PCM1: variants seen among roughly 807,000 people sequenced by gnomAD.
The protein encoded by PCM1 is pericentriolar material 1.
A neutral mutation model predicts 241.9 loss-of-function variants in PCM1; 157 were observed. The ratio of observed to expected loss-of-function variants is 0.65; its 90% CI spans 0.57 to 0.74. PCM1 has a LOEUF of 0.74. Ranked by LOEUF, PCM1 falls within the 30% of genes least tolerant of loss-of-function variation. The probability of loss-of-function intolerance (pLI) is 0.00; values close to 1 mark genes in which losing one functional copy is unlikely to be tolerated. For missense variants in PCM1, 3,478 were observed against 2,360.1 expected, an observed-to-expected ratio of 1.47 and a Z score of -9.81; for synonymous variants, 1,085 against 784.9, an observed-to-expected ratio of 1.38 and a Z score of -6.39.
At chr8:17,941,961 C>G (rs1264949988) in intron 6 of PCM1, among the ~76,000 whole-genome samples, 1 of 152,084 alleles carries the variant, frequency 6.6e-6, no homozygotes, top group Non-Finnish European at 1.5e-5. Flanking sequence ...ATATAGTTGT[C>G]ATACTGTAAT....
intron 16 of PCM1, among the ~76,000 whole-genome samples, chr8:17,962,525 C>T (rs769557191): frequency 7.2e-5 from 11 of 151,978 alleles, no homozygotes; most frequent in Non-Finnish European, 1.5e-4. Flanking sequence ...AAGACCTATC[C>T]TTTGACATTT....
chr8:17,990,092 A>G (rs1029481026), intron 27 of PCM1, 113 bp downstream of exon 27: 27 of 773,630 alleles, frequency 3.5e-5, no homozygotes, highest in Non-Finnish European at 5.2e-5. Flanking sequence ...TGTGGTTGAA[A>G]GAATGTGGAC....
At chr8:17,959,987 T>C in intron 13 of PCM1, 27 bp from the exon 14 acceptor site, 1 of 1,605,278 alleles carries the variant, frequency 6.2e-7, no homozygotes, top group Non-Finnish European at 8.5e-7. Flanking sequence ...GTATCAAGAT[T>C]GTTTTAATGT....
Position 17,964,712 on chromosome 8 carries a change from G to A in PCM1, c.2799G>A (p.Val933=). 1 of 1,613,886 alleles carries A rather than the reference G, an allele frequency of 6.2e-7. No homozygotes were observed. Among genetic ancestry groups the A allele is most frequent in the Non-Finnish European group, 8.5e-7 (1 of 1,179,792 alleles). ...CCAGTTCCAATGATAACTTTTCTGT[G>A]TGTCCTTCTAACAGTGTGAATCATA... ...QDASSNDNFS[V]CPSNSVNHNS... Residue 933 remains valine (V), a synonymous_variant, in exon 18 of 39, where the codon GTG becomes GTA. Transcript: ENST00000325083.
intron 38 of PCM1, among the ~76,000 whole-genome samples, chr8:18,027,275 T>C (rs113829283): frequency 6.6e-6 from 1 of 152,180 alleles, no homozygotes; most frequent in African/African-American, 2.4e-5. Context: ...TCCTCCACTG[T>C]CATTGGGTAT....
At position 18,014,772 on chromosome 8, in the gene PCM1, C is replaced by G. The variant is rs1244552768; in HGVS notation, c.5773C>G (p.Gln1925Glu). Residue 1925 changes from glutamine to glutamate, a missense_variant, in exon 36 of 39, where the codon CAG becomes GAG. Coordinates refer to ENST00000325083, the MANE Select transcript of PCM1 (RefSeq NM_006197.4). Reference protein sequence around the residue: ...VPRVKEVKSAQETPESSLAGS... With the variant: ...VPRVKEVKSAEETPESSLAGS... ...TAGAGTCAAAGAAGTTAAATCTGCT[C>G]AGGAAACTCCTGAAAGCTCTCTGGC... is the stretch of plus-strand genomic sequence containing the variant. The G allele has an allele frequency of 1.2e-6, 2 of 1,610,584 alleles. No individual in the cohort carries two copies.
intron 7 of PCM1, among the ~76,000 whole-genome samples, chr8:17,947,813 C>T (rs1187396455): frequency 6.6e-6 from 1 of 152,088 alleles, no homozygotes; most frequent in East Asian, 1.9e-4. Flanking sequence ...TAGCTAGTAG[C>T]TGTTATTTTA....
At chr8:17,959,654 AT>A (rs2070689456) in intron 13 of PCM1, among the ~76,000 whole-genome samples, 4 of 151,886 alleles carry the variant, frequency 2.6e-5, no homozygotes, top group Admixed American at 2.6e-4. Flanking sequence ...ATGTATTCAT[AT>A]TTTTCTATAT....
intron 16 of PCM1, 79 bp downstream of exon 16, chr8:17,962,253 G>C (rs2072649618): frequency 8.4e-7 from 1 of 1,186,780 alleles, no homozygotes; most frequent in Non-Finnish European, 1.2e-6. Flanking sequence ...CACATCTCAA[G>C]AAAGGAAACT....
chr8:17,983,466 C>G (rs2081609500), intron 24 of PCM1, among the ~76,000 whole-genome samples: 3 of 151,974 alleles, frequency 2.0e-5, no homozygotes, highest in Non-Finnish European at 2.9e-5. Flanking sequence ...ATTTATAATT[C>G]TTGGTAAAAT....
At chr8:18,008,250 G>A (rs1441842077) in intron 30 of PCM1, among the ~76,000 whole-genome samples, 1 of 152,042 alleles carries the variant, frequency 6.6e-6, no homozygotes, top group African/African-American at 2.4e-5. Context: ...GATTCTCATA[G>A]GAGTGTGAAC....
intron 26 of PCM1, among the ~76,000 whole-genome samples, chr8:17,988,012 T>C (rs1050673837): frequency 1.3e-5 from 2 of 151,794 alleles, no homozygotes; most frequent in Admixed American, 1.3e-4. Context: ...GAGATACCTC[T>C]CTTGCCTAGG....
At chr8:17,954,284 A>C (rs1263655409) in intron 9 of PCM1, among the ~76,000 whole-genome samples, 1 of 152,072 alleles carries the variant, frequency 6.6e-6, no homozygotes, top group Non-Finnish European at 1.5e-5. Flanking sequence ...AAAAGTAGCC[A>C]GGTGTGGTGG....
intron 24 of PCM1, among the ~76,000 whole-genome samples, chr8:17,984,521 A>G (rs1372348896): frequency 5.3e-5 from 8 of 151,922 alleles, no homozygotes; most frequent in Non-Finnish European, 8.8e-5. Flanking sequence ...GATATCTTAT[A>G]TTAGTAATGT....
At chr8:18,025,755 G>T in intron 38 of PCM1, 97 bp downstream of exon 38, 2 of 690,882 alleles carry the variant, frequency 2.9e-6, no homozygotes, top group Non-Finnish European at 4.8e-6. Context: ...CTACTGACCT[G>T]GGAGATTTAA....
chr8:17,996,454 T>G (rs542169888), intron 29 of PCM1, among the ~76,000 whole-genome samples: 41 of 152,336 alleles, frequency 2.7e-4, no homozygotes, highest in African/African-American at 8.9e-4. Flanking sequence ...TAATGTCTCC[T>G]TTTTCATCTC....
At chr8:17,980,346 G>A (rs1020240694) in intron 23 of PCM1, 1 of 328,732 alleles carries the variant, frequency 3.0e-6, no homozygotes, top group Non-Finnish European at 5.5e-6. Flanking sequence ...ACTTCGAATT[G>A]GAATATACTC....
rs538850371 is a variant in PCM1, at chr8:17,985,120, T to G, written c.4109-327T>G. Among the ~76,000 whole-genome samples the G allele has an allele frequency of 5.9e-5, 9 of 152,038 alleles. No homozygotes were observed. In the South Asian group the frequency reaches 1.9e-3, roughly 31 times the overall value. On this transcript the variant is annotated intron_variant, in intron 24 of 38. Coordinates refer to ENST00000325083, the MANE Select transcript of PCM1 (RefSeq NM_006197.4). The stretch of plus-strand genomic sequence containing the variant: ...TAGCACTTAGCTTATTTCTAAGTGT[T>G]GAAAGATTTTCACTGATTTTTCCTA...
At chr8:17,983,074 T>G (rs1280583971) in intron 24 of PCM1, among the ~76,000 whole-genome samples, 1 of 152,216 alleles carries the variant, frequency 6.6e-6, no homozygotes, top group African/African-American at 2.4e-5. Flanking sequence ...TTTTTTTTCT[T>G]GAGATTATTT....
Sources: gnomAD v4.1 joint callset for allele counts (sites outside exome capture counted in the v4.1 genomes callset) on GRCh38, gnomAD v4.1.1 for gene constraint, MANE v1.5 for transcripts, NCBI Gene and HGNC (gene_info 2026-07-23, HGNC 2026-07-21) for gene names.